WDR62: variants seen among roughly 807,000 people sequenced by gnomAD.
The protein encoded by WDR62 is WD repeat-containing protein 62.
In WDR62, 112 loss-of-function variants were observed where a neutral mutation model predicts 160.6. The observed-to-expected ratio is 0.70, with a 90% CI of 0.60 to 0.82. The LOEUF (loss-of-function observed/expected upper bound fraction) is 0.82, where lower values mean the gene tolerates loss of function less well. Ranked by LOEUF, WDR62 falls within the 40% of genes least tolerant of loss-of-function variation. The pLI is 0.00. For missense variants in WDR62, 1,819 were observed against 1,983.8 expected, an observed-to-expected ratio of 0.92 and a Z score of 1.58; for synonymous variants, 792 against 815.1, an observed-to-expected ratio of 0.97 and a Z score of 0.48.
chr19:36,109,779 C>T (rs917972407), downstream of WDR62, among the ~76,000 whole-genome samples: 2 of 151,124 alleles, frequency 1.3e-5, no homozygotes, highest in East Asian at 2.0e-4. Flanking sequence ...ACAGGTTGGG[C>T]GCGGTGGCTC....
chr19:36,059,846 A>G, intron 2 of WDR62, 122 bp from the exon 3 acceptor site: 1 of 966,674 alleles, frequency 1.0e-6, no homozygotes, highest in Non-Finnish European at 1.7e-6. Context: ...GAGGGGGAGG[A>G]GGAGGAGACC....
Position 36,067,971 on chromosome 19 carries a change from C to T in WDR62, c.843C>T (p.Phe281=). 6.2e-7 allele frequency: 1 copy of T among 1,614,128 alleles called. No individual in the cohort carries two copies. Among genetic ancestry groups the T allele is most frequent in the South Asian group, 1.1e-5 (1 of 91,068 alleles). The change falls in exon 7 of 32, where the codon TTC becomes TTT. Residue 281 remains phenylalanine (F), a synonymous_variant. Transcript: ENST00000401500. ...CVSYSGLLCQ[F]NEKRVLEKWI... is the part of the protein sequence containing the mutation. The stretch of plus-strand genomic sequence containing the variant: ...CCTACTCGGGCCTCCTCTGCCAGTT[C>T]AATGAGAAGAGGGTGCTGGAGAAGT...
At chr19:36,091,094 A>G (rs1353899822) in intron 16 of WDR62, 106 bp from the exon 17 acceptor site, 5 of 949,120 alleles carry the variant, frequency 5.3e-6, no homozygotes, top group South Asian at 4.1e-5. Context: ...CTGCCCTGCC[A>G]GAGTCCCATG....
intron 12 of WDR62, 138 bp from the exon 13 acceptor site, chr19:36,086,549 G>A: frequency 8.8e-7 from 1 of 1,142,534 alleles, no homozygotes; most frequent in South Asian, 1.3e-5. Flanking sequence ...CCCTTGCCAG[G>A]CTTGGGCCAA....
intron 11 of WDR62, among the ~76,000 whole-genome samples, 190 bp from the exon 12 acceptor site, chr19:36,084,463 C>T (rs1206629025): frequency 1.3e-5 from 2 of 152,046 alleles, no homozygotes; most frequent in East Asian, 3.9e-4. Flanking sequence ...TGAGGTGCTC[C>T]CTGGTTCAAC....
chr19:36,106,362 C>CAAAA (rs10668126), downstream of WDR62, among the ~76,000 whole-genome samples: 71 of 115,230 alleles, frequency 6.2e-4, no homozygotes, highest in East Asian at 0.011. Flanking sequence ...CAGCAAGTCT[C>CAAAA]AAAAAAAAAA....
At chr19:36,088,929 C>G (rs1367956274) in intron 13 of WDR62, 109 bp from the exon 14 acceptor site, 10 of 1,297,578 alleles carry the variant, frequency 7.7e-6, no homozygotes, top group Non-Finnish European at 1.1e-5. Context: ...TTTAGGAAGC[C>G]TTGATCCCAG....
chr19:36,090,359 G>A, intron 15 of WDR62, 86 bp from the exon 16 acceptor site: 1 of 1,306,954 alleles, frequency 7.7e-7, no homozygotes, highest in Non-Finnish European at 1.1e-6. Flanking sequence ...GGGGCTTCCA[G>A]GGGAGGGGAG....
intron 3 of WDR62, 99 bp downstream of exon 3, chr19:36,060,129 C>G: frequency 8.1e-7 from 1 of 1,227,238 alleles, no homozygotes; most frequent in Non-Finnish European, 1.2e-6. Context: ...TAGGTGCTCA[C>G]TCATTCACTT....
In WDR62 at chr19:36,099,504, A is replaced by G. The variant is rs768091875; in HGVS notation, c.2626A>G (p.Ile876Val). The change falls in exon 22 of 32, where the codon ATC (isoleucine) becomes GTC (valine). Residue 876 changes from isoleucine to valine, a missense_variant. Transcript: ENST00000401500. ...ERAGQEPLKT[I>V]LDAQDLDCYF... ...GGCCGGCCAAGAGCCCCTCAAGACC[A>G]TCCTGGATGCCCAGGACCTGGATTG... The G allele has an allele frequency of 4.3e-6, 7 of 1,614,154 alleles. No homozygotes were observed. In the South Asian group the frequency reaches 6.6e-5, roughly 15 times the overall value.
At position 36,092,763 on chromosome 19, in the gene WDR62, G is replaced by GGCAGCA. The variant is rs375277875; in HGVS notation, c.2295_2300dup (p.Gln765_Gln766dup). The GGCAGCA allele has an allele frequency of 6.2e-7, 1 of 1,613,264 alleles. No homozygotes were observed. The highest frequency in any genetic ancestry group is 2.2e-5 in the East Asian group (1 of 44,888). ...CAGCACTTGCTGGAGATTGACCACC[G>GGCAGCA]GCAGCAGCAGCAGCACACAAATGAC... On this transcript the variant is annotated inframe_insertion, in exon 19 of 32. Transcript: ENST00000401500.
chr19:36,094,556 AAAT>A (rs146886399), intron 20 of WDR62, among the ~76,000 whole-genome samples: 30 of 148,872 alleles, frequency 2.0e-4, no homozygotes, highest in East Asian at 1.2e-3. Flanking sequence ...TCCGTCTCAA[AAAT>A]AATAATAATA....
chr19:36,102,762 C>T lies in WDR62; in HGVS notation c.3246C>T (p.Asp1082=), dbSNP rs749825052. ...CRELFPAALG[D]VEASEAEDHF... is the part of the protein sequence containing the mutation. Reference sequence around the variant, plus strand: ...AGCTCTTCCCCGCAGCTCTGGGAGACGTGGAGGCCTCTGAAGCTGAAGACC... The same window carrying T: ...AGCTCTTCCCCGCAGCTCTGGGAGATGTGGAGGCCTCTGAAGCTGAAGACC... Residue 1082 remains aspartate, a synonymous_variant, in exon 27 of 32, where the codon GAC becomes GAT. Coordinates refer to ENST00000401500, the MANE Select transcript of WDR62 (RefSeq NM_001083961.2). The T allele has an allele frequency of 1.7e-5, 28 of 1,614,110 alleles. No individual in the cohort carries two copies. In the South Asian group the frequency reaches 2.1e-4, roughly 12 times the overall value.
At position 36,102,787 on chromosome 19, in the gene WDR62, C is replaced by G; in HGVS notation, c.3271C>G (p.His1091Asp). The change falls in exon 27 of 32, where the codon CAC (histidine) becomes GAC (aspartate). Residue 1091 changes from histidine (H) to aspartate (D), a missense_variant. Physicochemically the swap from His to Asp is moderately conservative, Grantham distance 81. This residue lies in a region of WDR62 where 770 missense variants were observed against 734.2 expected (regional missense o/e 1.05). Transcript: ENST00000401500. ...CGTGGAGGCCTCTGAAGCTGAAGAC[C>G]ACTTCTTCAACCCACGCCTGAGTAT... ...GDVEASEAED[H>D]FFNPRLSIST... 1 of 1,614,070 alleles carries G rather than the reference C, an allele frequency of 6.2e-7. No homozygotes were observed.
At position 36,102,068 on chromosome 19, in the gene WDR62, C is replaced by T. The variant is rs1973385365; in HGVS notation, c.3137C>T (p.Pro1046Leu). 3 of 1,614,084 alleles carry T rather than the reference C, an allele frequency of 1.9e-6. No individual in the cohort carries two copies. Among genetic ancestry groups the T allele is most frequent in the South Asian group, 1.1e-5 (1 of 91,090 alleles). The change falls in exon 26 of 32, where the codon CCC (proline) becomes CTC (leucine). Residue 1046 changes from proline (P) to leucine (L), a missense_variant. Physicochemically the swap from Pro to Leu is moderately conservative, Grantham distance 98 (BLOSUM62 -3). Around this residue, in one of 3 missense-constraint regions of WDR62, gnomAD observed 770 missense variants for 734.2 expected, o/e 1.05. Coordinates refer to ENST00000401500, the MANE Select transcript of WDR62 (RefSeq NM_001083961.2). ...ELSLPEGPSV[P>L]SSSLPQTPEQ... is the part of the protein sequence containing the mutation. ...TCCCTGCCCGAGGGACCCAGCGTCC[C>T]CAGCAGCTCCCTACCCCAGACTCCG...
rs145662033 is a variant in WDR62, at chr19:36,092,001, T to A, written c.2210+536T>A. On this transcript the variant is annotated intron_variant, in intron 18 of 31. Coordinates refer to ENST00000401500, the MANE Select transcript of WDR62 (RefSeq NM_001083961.2). ...CTCCCCTGTAAAAGACACCACCGTT[T>A]ACATTTACCTTAAAAATGGTGTGAT... 7.5e-4 allele frequency among the ~76,000 whole-genome samples: 114 copies of A among 152,170 alleles called. 1 individual carries two copies. The highest frequency in any genetic ancestry group is 1.4e-3 in the Non-Finnish European group (95 of 68,004).
At chr19:36,088,441 GA>G (rs1972388221) in intron 13 of WDR62, among the ~76,000 whole-genome samples, 1 of 152,228 alleles carries the variant, frequency 6.6e-6, no homozygotes, top group Admixed American at 6.5e-5. Flanking sequence ...ACCGGAAGTT[GA>G]GGCTCAAAGG....
In WDR62 at chr19:36,103,159, C is replaced by T. The variant is rs1257950177; in HGVS notation, c.3466C>T (p.Leu1156Phe). Residue 1156 changes from leucine to phenylalanine, a missense_variant, in exon 29 of 32, where the codon CTC becomes TTC. By Grantham distance (22) the Leu-to-Phe change is conservative. Coordinates refer to ENST00000401500, the MANE Select transcript of WDR62 (RefSeq NM_001083961.2). ...CACCTCAGAGCTGTGCCTGCAGGTC[C>T]TCGCTGCAGGGAAGGCTGAAGAGAC... is the stretch of plus-strand genomic sequence containing the variant. ...GYASPDRTHV[L>F]AAGKAEETLE... The T allele has an allele frequency of 2.5e-6, 4 of 1,613,962 alleles. No individual in the cohort carries two copies. The highest frequency in any genetic ancestry group is 3.4e-6 in the Non-Finnish European group (4 of 1,180,040).
At chr19:36,090,372 C>G in intron 15 of WDR62, 73 bp from the exon 16 acceptor site, 4 of 1,457,328 alleles carry the variant, frequency 2.7e-6, no homozygotes, top group Non-Finnish European at 2.9e-6. Context: ...GAGGGGAGGA[C>G]AGCAAGAGCC....
Sources: allele counts gnomAD v4.1 joint callset (sites outside exome capture counted in the v4.1 genomes callset), GRCh38; gene constraint gnomAD v4.1.1; regional missense constraint gnomAD v4.1.1; transcripts MANE v1.5; gene names NCBI Gene and HGNC (gene_info 2026-07-23, HGNC 2026-07-21).